The following COL24A1 variants were observed in gnomAD, a reference collection of about 807,000 sequenced individuals.
The protein encoded by COL24A1 is collagen alpha-1(XXIV) chain.
COL24A1 carries 224 observed loss-of-function variants against 253.9 expected under a neutral mutation model. The observed-to-expected ratio is 0.88, with a 90% CI of 0.79 to 0.99. The LOEUF is 0.99. Among genes scored for constraint, COL24A1 ranks in the 50% least tolerant of loss-of-function variants. The pLI is 0.00. For synonymous variants in COL24A1, 685 were observed against 673.7 expected (o/e 1.02, Z -0.26); for missense variants, 2,131 against 2,068.5 (o/e 1.03, Z -0.59).
intron 32 of COL24A1, among the ~76,000 whole-genome samples, chr1:85,888,840 C>T (rs1029751495): frequency 6.6e-6 from 1 of 152,026 alleles, no homozygotes; most frequent in Non-Finnish European, 1.5e-5. Context: ...ACAAAAGCCA[C>T]CTGTAAACCT....
chr1:86,155,234 A>AGC (rs1249522508), intron 1 of COL24A1: 1 of 151,478 alleles, frequency 6.6e-6, no homozygotes, highest in Admixed American at 6.6e-5. Flanking sequence ...GTCGGAAGAG[A>AGC]GCGCGCGCGC....
chr1:86,119,269 G>A (rs1355768828), intron 3 of COL24A1, among the ~76,000 whole-genome samples: 1 of 152,160 alleles, frequency 6.6e-6, no homozygotes, highest in African/African-American at 2.4e-5. Context: ...GAGCGAAGGT[G>A]TTGAGAGATA....
intron 7 of COL24A1, among the ~76,000 whole-genome samples, chr1:86,088,642 G>A (rs746684672): frequency 7.2e-5 from 11 of 151,960 alleles, no homozygotes; most frequent in Non-Finnish European, 1.2e-4. Context: ...CAATCCTCAC[G>A]TCACTTCCAT....
intron 58 of COL24A1, chr1:85,736,288 A>T (rs1309251053): frequency 1.1e-5 from 5 of 456,074 alleles, no homozygotes; most frequent in African/African-American, 2.0e-5. Flanking sequence ...CCTTGGGTTG[A>T]GTTTATGAAT....
intron 43 of COL24A1, among the ~76,000 whole-genome samples, chr1:85,837,343 G>A (rs912568388): frequency 6.6e-6 from 1 of 152,150 alleles, no homozygotes. Flanking sequence ...TTTAGGGAGT[G>A]AAAGTTAATT....
At chr1:85,735,103 G>T (rs1468617039) in intron 58 of COL24A1, 139 bp from the exon 59 acceptor site, 1 of 707,334 alleles carries the variant, frequency 1.4e-6, no homozygotes, top group Non-Finnish European at 2.4e-6. Flanking sequence ...AGTCAGTGGT[G>T]TGCTGGTAAA....
chr1:85,946,307 C>T (rs777310241), intron 24 of COL24A1, among the ~76,000 whole-genome samples: 7 of 152,084 alleles, frequency 4.6e-5, no homozygotes, highest in South Asian at 4.2e-4. Flanking sequence ...ACCGGGTTTC[C>T]GCGGGACTTC....
chr1:85,818,013 T>C, intron 46 of COL24A1, 21 bp downstream of exon 46: 2 of 1,610,408 alleles, frequency 1.2e-6, no homozygotes, highest in Non-Finnish European at 1.7e-6. Flanking sequence ...GCAAGAAAGA[T>C]GAAAGAGGCC....
rs1358617172 is a variant in COL24A1, at chr1:85,971,398, A to G, written c.2365-5T>C. 11 of 1,607,400 alleles carry G rather than the reference A, an allele frequency of 6.8e-6. No homozygotes were observed. Among genetic ancestry groups the G allele is most frequent in the Non-Finnish European group, 9.3e-6 (11 of 1,176,626 alleles). On this transcript the variant is annotated splice_region_variant and splice_polypyrimidine_tract_variant and intron_variant, in intron 20 of 59. Coordinates refer to ENST00000370571, the MANE Select transcript of COL24A1 (RefSeq NM_152890.7). Reference sequence around the variant, plus strand: ...TCCTCTATTTCCAAGGAGTCCCTATAAAAGCAATATAAATGCACACAATAG... The same window carrying G: ...TCCTCTATTTCCAAGGAGTCCCTATGAAAGCAATATAAATGCACACAATAG...
chr1:85,975,849 A>T (rs757512016), intron 20 of COL24A1, among the ~76,000 whole-genome samples: 1 of 152,170 alleles, frequency 6.6e-6, no homozygotes, highest in African/African-American at 2.4e-5. Context: ...CCCACTGGGG[A>T]CCCTGAAAAC....
At chr1:85,796,961 G>C (rs1028636776) in intron 47 of COL24A1, among the ~76,000 whole-genome samples, 2 of 151,916 alleles carry the variant, frequency 1.3e-5, no homozygotes, top group African/African-American at 2.4e-5. Context: ...AGCACTTTGG[G>C]AGGCTGAGGC....
intron 19 of COL24A1, among the ~76,000 whole-genome samples, chr1:86,002,924 G>C (rs1419910934): frequency 6.6e-6 from 1 of 152,132 alleles, no homozygotes; most frequent in East Asian, 1.9e-4. Context: ...CCATATACCA[G>C]GTGACACTGT....
At chr1:86,014,987 G>A (rs576606634) in intron 19 of COL24A1, among the ~76,000 whole-genome samples, 2 of 152,154 alleles carry the variant, frequency 1.3e-5, no homozygotes, top group Non-Finnish European at 2.9e-5. Context: ...TCTGAATTTA[G>A]CACAATGCAT....
rs764296556 is a variant in COL24A1 at position 86,063,774 on chromosome 1, G to GT, written c.1708-16dup. On this transcript the variant is annotated splice_polypyrimidine_tract_variant and intron_variant, in intron 7 of 59. Transcript: ENST00000370571. ...CCTTTGAGACCCTGTAAAAGAATAAGTGGAGACATGCTATGAAAAGTAAAC... is the reference window on the plus strand; with the variant it reads ...CCTTTGAGACCCTGTAAAAGAATAAGTTGGAGACATGCTATGAAAAGTAAAC... The GT allele has an allele frequency of 2.0e-6, 3 of 1,515,830 alleles. No individual in the cohort carries two copies. The East Asian group carries it at 7.3e-5, about 37-fold the overall frequency. 93.9% of individuals were successfully genotyped at this position (1,515,830 alleles called of 1,614,324 possible).
intron 35 of COL24A1, among the ~76,000 whole-genome samples, chr1:85,871,175 A>G (rs1214001120): frequency 2.0e-5 from 3 of 152,170 alleles, no homozygotes; most frequent in African/African-American, 4.8e-5. Flanking sequence ...GAATAGACCA[A>G]TAATAGGCTC....
intron 12 of COL24A1, chr1:86,045,702 C>A: frequency 3.4e-6 from 1 of 294,980 alleles, no homozygotes; most frequent in Non-Finnish European, 6.7e-6. Flanking sequence ...CTGTTATAAC[C>A]ATTATAAGAT....
In COL24A1 at chr1:85,842,352, A is replaced by G. The variant is rs1423648916; in HGVS notation, c.3504T>C (p.Ile1168=). Residue 1168 remains isoleucine, a synonymous_variant, in exon 40 of 60, where the codon ATT becomes ATC. Transcript: ENST00000370571. The part of the protein sequence containing the change: ...GLMGPDGEPG[I]PGYRGHQGQP... ...TATAAATACTTACCCTGTACCCTGG[A>G]ATTCCTGGTTCTCCATCAGGTCCCA... 3.7e-6 allele frequency: 6 copies of G among 1,600,366 alleles called. No individual in the cohort carries two copies. The highest frequency in any genetic ancestry group is 5.1e-6 in the Non-Finnish European group (6 of 1,172,572).
chr1:85,822,444 G>T (rs186980825), intron 45 of COL24A1, among the ~76,000 whole-genome samples: 2 of 152,086 alleles, frequency 1.3e-5, no homozygotes, highest in African/African-American at 4.8e-5. Flanking sequence ...TGAAAAACAG[G>T]GCAGCAATGA....
rs773999982 is a variant in COL24A1 at position 85,730,640 on chromosome 1, G to T, written c.5051C>A (p.Pro1684His). Residue 1684 changes from proline to histidine, a missense_variant, in exon 60 of 60, where the codon CCT (proline) becomes CAT (histidine). Coordinates refer to ENST00000370571, the MANE Select transcript of COL24A1 (RefSeq NM_152890.7). ...KATFLFHTQE[P>H]NQLPVIEVQK... ...TACTTCAATCACTGGAAGTTGATTAGGTTCCTGGGTGTGAAAAAGAAATGT... is the reference window on the plus strand; with the variant it reads ...TACTTCAATCACTGGAAGTTGATTATGTTCCTGGGTGTGAAAAAGAAATGT... The T allele has an allele frequency of 2.5e-6, 4 of 1,614,014 alleles. No individual in the cohort carries two copies. Among genetic ancestry groups the T allele is most frequent in the Non-Finnish European group, 3.4e-6 (4 of 1,179,914 alleles).
Sources: gnomAD v4.1 joint callset for allele counts (sites outside exome capture counted in the v4.1 genomes callset) on GRCh38, gnomAD v4.1.1 for gene constraint, MANE v1.5 for transcripts, NCBI Gene and HGNC (gene_info 2026-07-23, HGNC 2026-07-21) for gene names.